MYLK: variants seen among roughly 807,000 people sequenced by gnomAD.
MYLK encodes myosin light chain kinase, smooth muscle.
In MYLK, 106 loss-of-function variants were observed where a neutral mutation model predicts 203.4. That is an observed-to-expected ratio of 0.52 (90% confidence interval 0.45 to 0.61). The LOEUF is 0.61. Among genes scored for constraint, MYLK ranks in the 20% least tolerant of loss-of-function variants. MYLK has a pLI of 0.00. For synonymous variants in MYLK, 867 were observed against 959.5 expected (o/e 0.90, Z 1.78); for missense variants, 2,072 against 2,442.3 (o/e 0.85, Z 3.20).
intron 24 of MYLK, among the ~76,000 whole-genome samples, chr3:123,656,173 C>T (rs1006386773): frequency 1.3e-5 from 2 of 152,192 alleles, no homozygotes; most frequent in Admixed American, 6.5e-5. Flanking sequence ...TGTTCGTGTG[C>T]ATCTGAATCC....
intron 3 of MYLK, among the ~76,000 whole-genome samples, chr3:123,796,477 C>T (rs182452396): frequency 1.6e-3 from 241 of 152,294 alleles, no homozygotes; most frequent in Middle Eastern, 6.8e-3. Flanking sequence ...AGAGCCGCTA[C>T]CACATATGTA....
chr3:123,620,248 G>A lies in MYLK; in HGVS notation c.5327C>T (p.Ser1776Leu). ...GLSGRKSSTG[S>L]PTSPLNAEKL... ...TTCTGCATTGAGCGGGCTGGTTGGT[G>A]ACCCTGTTGAGGATTTCCTGCCACT... The change falls in exon 32 of 34, where the codon TCA (serine) becomes TTA (leucine). Residue 1776 changes from serine to leucine, a missense_variant. Ser to Leu is a moderately radical substitution (Grantham distance 145). Transcript: ENST00000360304. 6.2e-7 allele frequency: 1 copy of A among 1,614,142 alleles called. No homozygotes were observed. The highest frequency in any genetic ancestry group is 2.2e-5 in the East Asian group (1 of 44,884).
At chr3:123,743,648 A>G (rs2062927277) in intron 5 of MYLK, among the ~76,000 whole-genome samples, 2 of 152,198 alleles carry the variant, frequency 1.3e-5, no homozygotes, top group African/African-American at 4.8e-5. Context: ...AGGAGAGGCC[A>G]AGACACTGAC....
At chr3:123,727,177 T>C (rs1426728972) in intron 11 of MYLK, among the ~76,000 whole-genome samples, 1 of 152,226 alleles carries the variant, frequency 6.6e-6, no homozygotes, top group Non-Finnish European at 1.5e-5. Flanking sequence ...ACAGCTGCAC[T>C]TTCTCCTCCA....
chr3:123,834,023 CTGTTTTTTGTTTGTTTGTTTGTT>C (rs2066413190), intron 2 of MYLK, among the ~76,000 whole-genome samples: 1 of 151,530 alleles, frequency 6.6e-6, no homozygotes, highest in Non-Finnish European at 1.5e-5. Flanking sequence ...CATTTCATTA[CTGTTTTTTGTTTGTTTGTTTGTT>C]TGTTTTTTGT....
chr3:123,675,042 T>G (rs2060029739), intron 20 of MYLK, among the ~76,000 whole-genome samples: 1 of 152,234 alleles, frequency 6.6e-6, no homozygotes, highest in South Asian at 2.1e-4. Context: ...CCTCAAGGAT[T>G]TCTGTTAACC....
chr3:123,835,916 C>T (rs2066465510), intron 2 of MYLK: 1 of 152,186 alleles, frequency 6.6e-6, no homozygotes. Context: ...AGAGTCTTGC[C>T]CCATCAGAAG....
At chr3:123,777,474 G>A (rs1483403737) in intron 4 of MYLK, among the ~76,000 whole-genome samples, 1 of 152,220 alleles carries the variant, frequency 6.6e-6, no homozygotes, top group African/African-American at 2.4e-5. Context: ...AGGTCAAGGT[G>A]AACTGGTCCA....
rs367894870 is a variant in MYLK, at chr3:123,640,315, G to A, written c.4809C>T (p.Leu1603=). Residue 1603 remains leucine, a synonymous_variant, in exon 28 of 34, where the codon CTC becomes CTT. Coordinates refer to ENST00000360304, the MANE Select transcript of MYLK (RefSeq NM_053025.4). The surrounding 1 kb of genome is among the most constrained non-coding windows in gnomAD (Gnocchi z 4.3). ...CVNKTGTRIK[L]IDFGLARRLE... ...GCCTCCTGGCCAGACCAAAGTCGAT[G>A]AGCTTGATCCTGGTGCCCGTCTTGT... 7 of 1,613,882 alleles carry A rather than the reference G, an allele frequency of 4.3e-6. No homozygotes were observed. Among genetic ancestry groups the A allele is most frequent in the Admixed American group, 1.7e-5 (1 of 60,002 alleles).
At chr3:123,872,791 GT>G (rs1482361455) in intron 2 of MYLK, among the ~76,000 whole-genome samples, 2 of 152,154 alleles carry the variant, frequency 1.3e-5, no homozygotes, top group African/African-American at 2.4e-5. Context: ...TTGATTAGGA[GT>G]TTTTATGGAG....
intron 4 of MYLK, among the ~76,000 whole-genome samples, chr3:123,765,211 A>T (rs2063664021): frequency 6.6e-6 from 1 of 152,178 alleles, no homozygotes; most frequent in South Asian, 2.1e-4. Flanking sequence ...TACTTAAAAT[A>T]ATTGAAAGCA....
intron 15 of MYLK, among the ~76,000 whole-genome samples, chr3:123,708,342 C>T (rs1004344610): frequency 1.3e-5 from 2 of 152,190 alleles, no homozygotes; most frequent in Admixed American, 6.5e-5. Flanking sequence ...CTTGCCTCTC[C>T]TCTTAAATAT....
chr3:123,690,818 A>G (rs1227964807), intron 19 of MYLK, among the ~76,000 whole-genome samples: 1 of 152,086 alleles, frequency 6.6e-6, no homozygotes, highest in Non-Finnish European at 1.5e-5. Context: ...CCAGCTCCCA[A>G]TTTGCAGCTG....
chr3:123,793,920 G>T, intron 3 of MYLK, 76 bp from the exon 4 acceptor site: 2 of 1,553,476 alleles, frequency 1.3e-6, no homozygotes, highest in Non-Finnish European at 1.8e-6. Flanking sequence ...CATCAGGTGT[G>T]TCCAGTCTGG....
At chr3:123,827,400 T>A (rs1448277671) in intron 3 of MYLK, among the ~76,000 whole-genome samples, 1 of 151,664 alleles carries the variant, frequency 6.6e-6, no homozygotes, top group Admixed American at 6.6e-5. Context: ...TTTGAAAGCA[T>A]CAAGAGAAAA....
rs536777375 is a variant in MYLK, at chr3:123,872,464, C to T, written c.-127+4095G>A. On this transcript the variant is annotated intron_variant, in intron 2 of 33. Coordinates refer to ENST00000360304, the MANE Select transcript of MYLK (RefSeq NM_053025.4). ...TCCTACAGCTTAAGGGCTCAGTCCCCAAGACTGCCCCCATTTCAGATCACA... is the reference window on the plus strand; with the variant it reads ...TCCTACAGCTTAAGGGCTCAGTCCCTAAGACTGCCCCCATTTCAGATCACA... 3.9e-5 allele frequency among the ~76,000 whole-genome samples: 6 copies of T among 152,248 alleles called. No individual in the cohort carries two copies. The East Asian group carries it at 9.6e-4, about 24-fold the overall frequency.
At chr3:123,850,019 T>G (rs2030563312) in intron 2 of MYLK, among the ~76,000 whole-genome samples, 1 of 152,216 alleles carries the variant, frequency 6.6e-6, no homozygotes, top group African/African-American at 2.4e-5. Context: ...TTGCGATAGT[T>G]TGCTGAGAAG....
chr3:123,798,008 C>T (rs1366469546), intron 3 of MYLK, among the ~76,000 whole-genome samples: 2 of 152,150 alleles, frequency 1.3e-5, no homozygotes. Context: ...GCAGAATTCC[C>T]TGGGAAGGTG....
At chr3:123,656,167 C>T (rs1193380059) in intron 24 of MYLK, among the ~76,000 whole-genome samples, 3 of 152,120 alleles carry the variant, frequency 2.0e-5, no homozygotes, top group Non-Finnish European at 4.4e-5. Context: ...CTCAAATGTT[C>T]GTGTGCATCT....
Sources: allele counts gnomAD v4.1 joint callset (sites outside exome capture counted in the v4.1 genomes callset), GRCh38; gene constraint gnomAD v4.1.1; non-coding constraint Gnocchi (gnomAD v3.1); transcripts MANE v1.5; gene names NCBI Gene and HGNC (gene_info 2026-07-23, HGNC 2026-07-21).